Variants in PHF24 observed in about 807,000 individuals in gnomAD.
The protein encoded by PHF24 is Galpha inhibitory interacting protein.
A neutral mutation model predicts 42.6 loss-of-function variants in PHF24; 25 were observed. That is an observed-to-expected ratio of 0.59 (90% confidence interval 0.43 to 0.82). The LOEUF (loss-of-function observed/expected upper bound fraction) is 0.82, where lower values mean the gene tolerates loss of function less well. Ranked by LOEUF, PHF24 falls within the 40% of genes least tolerant of loss-of-function variation. PHF24 has a pLI of 0.00. For missense variants in PHF24, 470 were observed against 538.1 expected (o/e 0.87, Z 1.25); for synonymous variants, 185 against 204.8 (o/e 0.90, Z 0.83).
the PHF24 span, among the ~76,000 whole-genome samples, chr9:34,732,580 G>C: frequency 6.6e-6 from 1 of 151,976 alleles, no homozygotes; most frequent in Non-Finnish European, 1.5e-5. Flanking sequence ...TCTTCACTTT[G>C]TTGATTGTTT....
chr9:34,913,343 AC>A, the PHF24 span, among the ~76,000 whole-genome samples: 2 of 151,882 alleles, frequency 1.3e-5, no homozygotes, highest in Admixed American at 6.6e-5. Flanking sequence ...AATCTCAGTG[AC>A]CCCCCAAACA....
chr9:34,959,622 T>G (rs1826519223), intron 1 of PHF24, among the ~76,000 whole-genome samples: 1 of 152,210 alleles, frequency 6.6e-6, no homozygotes, highest in Non-Finnish European at 1.5e-5. Context: ...ACAGTTTAAC[T>G]GGCCATGAGA....
the PHF24 span, among the ~76,000 whole-genome samples, chr9:34,711,635 C>T: frequency 5.9e-5 from 9 of 151,896 alleles, no homozygotes; most frequent in Non-Finnish European, 8.8e-5. Flanking sequence ...CTCCACCCTC[C>T]GGGTTCAAGC....
chr9:34,797,460 G>A, the PHF24 span, among the ~76,000 whole-genome samples: 1 of 152,140 alleles, frequency 6.6e-6, no homozygotes, highest in African/African-American at 2.4e-5. Context: ...CTCAGCAGAT[G>A]GAGGAAGCCA....
At chr9:34,819,111 T>C in the PHF24 span, among the ~76,000 whole-genome samples, 1 of 152,162 alleles carries the variant, frequency 6.6e-6, no homozygotes, top group African/African-American at 2.4e-5. Flanking sequence ...CCTTTTCTCA[T>C]TGTAATACCT....
chr9:34,893,032 C>A, the PHF24 span: 1 of 946,818 alleles, frequency 1.1e-6, no homozygotes, highest in Non-Finnish European at 1.6e-6. Flanking sequence ...TCAGGGAGAT[C>A]TGGTTGTTCT....
At chr9:34,715,913 G>A in the PHF24 span, among the ~76,000 whole-genome samples, 1 of 152,226 alleles carries the variant, frequency 6.6e-6, no homozygotes, top group African/African-American at 2.4e-5. Flanking sequence ...GTTTGCTCTT[G>A]CCTGGTGGGG....
chr9:34,891,572 G>C, the PHF24 span, among the ~76,000 whole-genome samples: 3 of 152,166 alleles, frequency 2.0e-5, no homozygotes, highest in Non-Finnish European at 4.4e-5. Flanking sequence ...CAGGTCACAG[G>C]ATGAACTGGA....
chr9:34,970,784 G>A (rs905275362), intron 1 of PHF24, among the ~76,000 whole-genome samples: 1 of 152,200 alleles, frequency 6.6e-6, no homozygotes, highest in Admixed American at 6.5e-5. Context: ...ATTGGTTTTA[G>A]GACAGGAAGG....
the PHF24 span, among the ~76,000 whole-genome samples, chr9:34,851,565 A>AT: frequency 2.0e-5 from 3 of 152,198 alleles, no homozygotes; most frequent in South Asian, 6.2e-4. Context: ...GAGTGAGGCA[A>AT]TGCCTCGCCC....
At chr9:34,798,073 A>G in the PHF24 span, among the ~76,000 whole-genome samples, 1 of 152,178 alleles carries the variant, frequency 6.6e-6, no homozygotes, top group Non-Finnish European at 1.5e-5. Flanking sequence ...AAGGGTTAGC[A>G]TGGGGGAGAT....
chr9:34,873,574 T>A, the PHF24 span, among the ~76,000 whole-genome samples: 206 of 152,186 alleles, frequency 1.4e-3, no homozygotes, highest in Non-Finnish European at 2.3e-3. Context: ...ATCTCTGTTT[T>A]GGTAACAGTA....
chr9:34,906,643 C>CAAA, the PHF24 span, among the ~76,000 whole-genome samples: 5 of 66,098 alleles, frequency 7.6e-5, no homozygotes, highest in African/African-American at 1.1e-4. Flanking sequence ...GACTCCATCT[C>CAAA]AAAAAAAAAA....
At chr9:34,828,226 A>G in the PHF24 span, among the ~76,000 whole-genome samples, 16 of 151,832 alleles carry the variant, frequency 1.1e-4, no homozygotes, top group African/African-American at 3.9e-4. Flanking sequence ...TCCCTTATCC[A>G]CAAAGTCCCC....
the PHF24 span, among the ~76,000 whole-genome samples, chr9:34,737,217 T>A: frequency 6.6e-5 from 10 of 152,148 alleles, no homozygotes; most frequent in Non-Finnish European, 1.3e-4. Flanking sequence ...TTCCCCCTAG[T>A]CCCCAGCAAC....
the PHF24 span, among the ~76,000 whole-genome samples, chr9:34,716,087 T>G: frequency 2.0e-5 from 3 of 152,164 alleles, no homozygotes; most frequent in Non-Finnish European, 4.4e-5. Context: ...GGTGCGTTGC[T>G]GCTCCTGGGT....
chr9:34,695,304 G>T, the PHF24 span, among the ~76,000 whole-genome samples: 1 of 152,218 alleles, frequency 6.6e-6, no homozygotes, highest in Non-Finnish European at 1.5e-5. Flanking sequence ...CTGAAAACAT[G>T]GAGGTTCTGG....
the PHF24 span, among the ~76,000 whole-genome samples, chr9:34,810,361 A>T: frequency 6.6e-6 from 1 of 151,990 alleles, no homozygotes; most frequent in Admixed American, 6.5e-5. Context: ...CGCCATGAAG[A>T]CCCGCTGTGG....
the PHF24 span, among the ~76,000 whole-genome samples, chr9:34,713,373 T>G: frequency 6.6e-6 from 1 of 152,166 alleles, no homozygotes; most frequent in African/African-American, 2.4e-5. Flanking sequence ...GGGTTCCCCC[T>G]GCCCACTCAG....
Sources: allele counts gnomAD v4.1 joint callset (sites outside exome capture counted in the v4.1 genomes callset), GRCh38; gene constraint gnomAD v4.1.1; transcripts MANE v1.5; gene names NCBI Gene and HGNC (gene_info 2026-07-23, HGNC 2026-07-21).